The following PKN2 variants were observed in gnomAD, a reference collection of about 807,000 sequenced individuals.
The protein encoded by PKN2 is protein kinase N2, also known as serine/threonine-protein kinase N2.
PKN2 carries 38 observed loss-of-function variants against 119.1 expected under a neutral mutation model. The ratio of observed to expected loss-of-function variants is 0.32; its 90% CI spans 0.25 to 0.42. PKN2 has a LOEUF of 0.42. Ranked by LOEUF, PKN2 falls within the 10% of genes least tolerant of loss-of-function variation. PKN2 has a pLI of 1.00. For missense variants in PKN2, 850 were observed against 1,165.1 expected (o/e 0.73, Z 3.94); for synonymous variants, 390 against 384.9 (o/e 1.01, Z -0.15).
chr1:88,765,100 T>C (rs1339486737), intron 3 of PKN2, among the ~76,000 whole-genome samples: 1 of 151,264 alleles, frequency 6.6e-6, no homozygotes, highest in African/African-American at 2.5e-5. Flanking sequence ...CTACTTTTTT[T>C]GTATTGCTAG....
intron 19 of PKN2, chr1:88,829,328 A>T: frequency 5.4e-6 from 3 of 558,778 alleles, no homozygotes; most frequent in Non-Finnish European, 1.0e-5. Flanking sequence ...AGTATTCGCT[A>T]CACCAACAGC....
intron 1 of PKN2, among the ~76,000 whole-genome samples, chr1:88,722,369 G>C (rs1667715549): frequency 1.3e-5 from 2 of 152,162 alleles, no homozygotes; most frequent in African/African-American, 4.8e-5. Context: ...CTTTATTTCT[G>C]ATTCTACCTG....
At chr1:88,806,157 T>C (rs1479343255) in intron 12 of PKN2, 140 bp downstream of exon 12, 1 of 797,536 alleles carries the variant, frequency 1.3e-6, no homozygotes, top group Non-Finnish European at 1.9e-6. Flanking sequence ...TTTTTTGTTT[T>C]TGTTTTTGTT....
intron 3 of PKN2, among the ~76,000 whole-genome samples, chr1:88,769,165 CAT>C (rs1015450253): frequency 6.6e-6 from 1 of 152,156 alleles, no homozygotes; most frequent in African/African-American, 2.4e-5. Flanking sequence ...ACATCCAAAC[CAT>C]ATCAGGCATT....
At chr1:88,721,156 G>T (rs796979932) in intron 1 of PKN2, among the ~76,000 whole-genome samples, 1 of 152,138 alleles carries the variant, frequency 6.6e-6, no homozygotes, top group African/African-American at 2.4e-5. Flanking sequence ...GGGATTGCTG[G>T]ATCAAATGGT....
intron 4 of PKN2, among the ~76,000 whole-genome samples, chr1:88,770,682 T>C (rs1570603862): frequency 6.7e-6 from 1 of 149,744 alleles, no homozygotes. Flanking sequence ...GCCTCCCGGG[T>C]TCACGCCATT....
intron 16 of PKN2, among the ~76,000 whole-genome samples, chr1:88,819,012 C>T (rs951832809): frequency 1.3e-5 from 2 of 152,054 alleles, no homozygotes; most frequent in African/African-American, 2.4e-5. Context: ...TTCCTTACAC[C>T]TTATATAAAA....
chr1:88,822,874 C>T (rs996073672), intron 17 of PKN2, among the ~76,000 whole-genome samples: 4 of 152,060 alleles, frequency 2.6e-5, no homozygotes, highest in African/African-American at 4.8e-5. Flanking sequence ...CCACCGTGCC[C>T]AGCCGGTAAG....
rs1669392918 is a variant in PKN2, at chr1:88,760,332, G to A, written c.460G>A (p.Gly154Ser). The A allele has an allele frequency of 6.4e-7, 1 of 1,572,242 alleles. No homozygotes were observed. Among genetic ancestry groups the A allele is most frequent in the Admixed American group, 1.7e-5 (1 of 59,210 alleles). ...QLDIELKVKQ[G>S]AENMIQMYSN... The stretch of plus-strand genomic sequence containing the variant: ...GGATATAGAACTTAAAGTAAAACAA[G>A]GTGCAGAGAATATGATACAGATGTA... The change falls in exon 3 of 22, where the codon GGT becomes AGT. Residue 154 changes from glycine to serine, a missense_variant. This residue lies in a region of PKN2 where 350 missense variants were observed against 511.1 expected (regional missense o/e 0.68). Transcript: ENST00000370521.
At chr1:88,829,224 C>T (rs1223489055) in intron 19 of PKN2, 16 of 720,770 alleles carry the variant, frequency 2.2e-5, no homozygotes, top group Non-Finnish European at 2.9e-5. Context: ...AACATCAGCA[C>T]GATAAAAGCC....
intron 1 of PKN2, among the ~76,000 whole-genome samples, chr1:88,738,786 G>A (rs555046717): frequency 6.6e-6 from 1 of 152,300 alleles, no homozygotes; most frequent in South Asian, 2.1e-4. Context: ...TGGAGGAATG[G>A]AACTAGCTTA....
intron 19 of PKN2, among the ~76,000 whole-genome samples, chr1:88,829,951 G>A (rs1260573537): frequency 6.6e-6 from 1 of 152,206 alleles, no homozygotes; most frequent in Admixed American, 6.5e-5. Flanking sequence ...TCAATTTGAA[G>A]TGGATTCCTT....
Position 88,833,475 on chromosome 1 carries a change from G to A in PKN2, c.*27G>A, listed in dbSNP as rs1396994562. 1 of 1,583,188 alleles carries A rather than the reference G, an allele frequency of 6.3e-7. No individual in the cohort carries two copies. The highest frequency in any genetic ancestry group is 8.7e-7 in the Non-Finnish European group (1 of 1,152,884). On this transcript the variant is annotated 3_prime_UTR_variant, in exon 22 of 22. Coordinates refer to ENST00000370521, the MANE Select transcript of PKN2 (RefSeq NM_006256.4). ...TTGCTAGACACTGCGAAACCAAGCT[G>A]ACTCACAAGAAGACCTCTTAAAAAT...
At chr1:88,771,974 A>T (rs1669912975) in intron 6 of PKN2, 95 bp downstream of exon 6, 10 of 772,208 alleles carry the variant, frequency 1.3e-5, no homozygotes, top group Non-Finnish European at 1.9e-5. Flanking sequence ...ATAGATTTTT[A>T]AAATTATGAT....
chr1:88,747,528 C>A (rs1668817394), intron 2 of PKN2, among the ~76,000 whole-genome samples: 1 of 152,084 alleles, frequency 6.6e-6, no homozygotes, highest in East Asian at 1.9e-4. Flanking sequence ...TTAGTTGGAA[C>A]CTGACACTCG....
chr1:88,687,621 C>T (rs969528372), intron 1 of PKN2, among the ~76,000 whole-genome samples: 4 of 152,134 alleles, frequency 2.6e-5, no homozygotes, highest in Non-Finnish European at 2.9e-5. Context: ...GATTCATTTT[C>T]TTCATCAAAA....
At chr1:88,755,682 T>C (rs1204698841) in intron 2 of PKN2, among the ~76,000 whole-genome samples, 1 of 152,144 alleles carries the variant, frequency 6.6e-6, no homozygotes, top group Non-Finnish European at 1.5e-5. Flanking sequence ...AATTTGTGGC[T>C]AAGGAAACTG....
At chr1:88,703,261 T>C (rs968363575) in intron 1 of PKN2, among the ~76,000 whole-genome samples, 12 of 152,330 alleles carry the variant, frequency 7.9e-5, no homozygotes, top group Admixed American at 7.2e-4. Context: ...TTTTGTTTTA[T>C]GTTAATTCTC....
chr1:88,727,970 C>A (rs541289610), intron 1 of PKN2, among the ~76,000 whole-genome samples: 1 of 150,674 alleles, frequency 6.6e-6, no homozygotes, highest in South Asian at 2.1e-4. Flanking sequence ...ACTGGGCTGC[C>A]CTGTTTTGCA....
Sources: allele counts gnomAD v4.1 joint callset (sites outside exome capture counted in the v4.1 genomes callset), GRCh38; gene constraint gnomAD v4.1.1; regional missense constraint gnomAD v4.1.1; transcripts MANE v1.5; gene names NCBI Gene and HGNC (gene_info 2026-07-23, HGNC 2026-07-21).